Variants in ACER3 observed in about 807,000 individuals in gnomAD.
The protein encoded by ACER3 is alkCDase 3.
In ACER3, 16 loss-of-function variants were observed where a neutral mutation model predicts 48.9. The observed-to-expected ratio is 0.33, with a 90% CI of 0.22 to 0.50. ACER3 has a LOEUF of 0.50. Ranked by LOEUF, ACER3 falls within the 20% of genes least tolerant of loss-of-function variation. The pLI, the probability that ACER3 is intolerant of heterozygous loss-of-function variation, is 0.98. For synonymous variants in ACER3, 109 were observed against 107.8 expected (o/e 1.01, Z -0.07); for missense variants, 227 against 326.0 (o/e 0.70, Z 2.34).
At chr11:76,925,762 G>C (rs1946813316) in intron 1 of ACER3, among the ~76,000 whole-genome samples, 1 of 151,960 alleles carries the variant, frequency 6.6e-6, no homozygotes, top group Non-Finnish European at 1.5e-5. Context: ...TTTAATCCTT[G>C]ACTGTTTGAA....
At chr11:77,004,129 T>A (rs1429597654) in intron 7 of ACER3, among the ~76,000 whole-genome samples, 1 of 152,216 alleles carries the variant, frequency 6.6e-6, no homozygotes, top group Non-Finnish European at 1.5e-5. Flanking sequence ...GGTCTGATGA[T>A]TCACTAGGAC....
At chr11:77,002,922 G>C (rs932153640) in intron 7 of ACER3, among the ~76,000 whole-genome samples, 12 of 152,132 alleles carry the variant, frequency 7.9e-5, no homozygotes, top group African/African-American at 2.9e-4. Flanking sequence ...ATAAAATGGT[G>C]ATCAGGGCCT....
chr11:76,938,745 A>C (rs982276655), intron 2 of ACER3, among the ~76,000 whole-genome samples: 2 of 152,188 alleles, frequency 1.3e-5, no homozygotes, highest in Non-Finnish European at 2.9e-5. Context: ...AGGTATCAGC[A>C]TGATTTTTTT....
chr11:76,990,509 T>A (rs745430247), intron 5 of ACER3, 30 bp from the exon 6 acceptor site: 2 of 1,438,644 alleles, frequency 1.4e-6, no homozygotes, highest in Admixed American at 3.4e-5. Flanking sequence ...ATGTACTTCA[T>A]TCACATGTGT....
chr11:76,872,064 A>C (rs1590861388), intron 1 of ACER3, among the ~76,000 whole-genome samples: 1 of 68,540 alleles, frequency 1.5e-5, no homozygotes, highest in Admixed American at 2.4e-4. Flanking sequence ...TTTACCCCCC[A>C]AACCCTGGCA....
At chr11:76,882,320 C>A (rs1030105510) in intron 1 of ACER3, among the ~76,000 whole-genome samples, 8 of 151,940 alleles carry the variant, frequency 5.3e-5, no homozygotes, top group African/African-American at 1.9e-4. Context: ...CTTTTTTTCT[C>A]TCTCTGTGCA....
At chr11:77,015,470 A>G (rs782786165) in intron 8 of ACER3, among the ~76,000 whole-genome samples, 1 of 152,178 alleles carries the variant, frequency 6.6e-6, no homozygotes, top group Non-Finnish European at 1.5e-5. Flanking sequence ...TATGTATATA[A>G]ATATACACTT....
intron 4 of ACER3, among the ~76,000 whole-genome samples, chr11:76,979,035 A>T (rs1948517006): frequency 6.6e-6 from 1 of 152,144 alleles, no homozygotes; most frequent in African/African-American, 2.4e-5. Flanking sequence ...CAGGCATGGG[A>T]TCCAGGCTGG....
At position 77,025,161 on chromosome 11, in the gene ACER3, C is replaced by G. The variant is rs538720830; in HGVS notation, c.*4834C>G. On this transcript the variant is annotated 3_prime_UTR_variant, in exon 11 of 11. Transcript: ENST00000532485. ...TTTTAAATTGAATTTGCAGAATTAA[C>G]TCTAAAGTTGCAGCAACCATATTTA... 6.6e-6 allele frequency: 1 copy of G among 152,138 alleles called. No individual in the cohort carries two copies. The highest frequency in any genetic ancestry group is 1.9e-4 in the East Asian group (1 of 5,196). 9.4% of individuals were successfully genotyped at this position (152,138 alleles called of 1,614,324 possible).
chr11:76,906,586 C>T (rs541616903), intron 1 of ACER3, among the ~76,000 whole-genome samples: 44 of 152,330 alleles, frequency 2.9e-4, no homozygotes, highest in Non-Finnish European at 5.4e-4. Flanking sequence ...ACTCTGTCTT[C>T]CGTGTGGCCA....
chr11:76,927,690 A>G (rs1946868727), intron 2 of ACER3, among the ~76,000 whole-genome samples: 1 of 151,042 alleles, frequency 6.6e-6, no homozygotes, highest in Admixed American at 6.6e-5. Flanking sequence ...ATTCCCACCT[A>G]TGAGTGAGAA....
rs1002544932 is a variant in ACER3 at position 77,003,591 on chromosome 11, T to A, written c.497+4770T>A. On this transcript the variant is annotated intron_variant, in intron 7 of 10. Coordinates refer to ENST00000532485, the MANE Select transcript of ACER3 (RefSeq NM_018367.7). ...TTTATATTTTCTTCCTTTTGCTTGT[T>A]GTGGGTTTATTTTCATTTCTTTTTC... Among the ~76,000 whole-genome samples, 3 of 152,302 alleles carry A rather than the reference T, an allele frequency of 2.0e-5. 1 individual carries two copies. The highest frequency in any genetic ancestry group is 2.0e-4 in the Admixed American group (3 of 15,306).
At chr11:76,873,099 A>G (rs1396931290) in intron 1 of ACER3, among the ~76,000 whole-genome samples, 1 of 150,916 alleles carries the variant, frequency 6.6e-6, no homozygotes, top group Non-Finnish European at 1.5e-5. Context: ...TATTTTTTGT[A>G]GAGATGCAGG....
chr11:76,936,162 C>G (rs1324352775), intron 2 of ACER3, among the ~76,000 whole-genome samples: 1 of 152,174 alleles, frequency 6.6e-6, no homozygotes, highest in Non-Finnish European at 1.5e-5. Flanking sequence ...TCACTTCTTA[C>G]ATGGATGGTG....
intron 1 of ACER3, among the ~76,000 whole-genome samples, chr11:76,861,731 T>G (rs1425910111): frequency 2.0e-5 from 3 of 152,172 alleles, no homozygotes; most frequent in African/African-American, 4.8e-5. Flanking sequence ...GAAGGCATCT[T>G]GCACCTAGCC....
At chr11:76,874,576 A>G (rs1464215354) in intron 1 of ACER3, among the ~76,000 whole-genome samples, 1 of 152,222 alleles carries the variant, frequency 6.6e-6, no homozygotes, top group Non-Finnish European at 1.5e-5. Context: ...ATCTGTAATC[A>G]GTTGACTTTA....
At position 77,026,702 on chromosome 11, in the gene ACER3, AT is replaced by A. The variant is rs1316754444; in HGVS notation, c.*6381del. 1.6e-4 allele frequency: 25 copies of A among 152,050 alleles called. No homozygotes were observed. Among genetic ancestry groups the A allele is most frequent in the Non-Finnish European group, 3.2e-4 (22 of 68,022 alleles). 9.4% of individuals were successfully genotyped at this position (152,050 alleles called of 1,614,324 possible). On this transcript the variant is annotated 3_prime_UTR_variant, in exon 11 of 11. Coordinates refer to ENST00000532485, the MANE Select transcript of ACER3 (RefSeq NM_018367.7). The stretch of plus-strand genomic sequence containing the variant: ...TTTCTAGAAAATAGTAGGATAATGT[AT>A]TTTTTCCTGTCTGCTATAATGGAGA...
intron 2 of ACER3, among the ~76,000 whole-genome samples, chr11:76,946,436 T>G (rs1947475458): frequency 1.3e-5 from 2 of 152,112 alleles, no homozygotes; most frequent in South Asian, 4.1e-4. Context: ...GAGAGCTTAG[T>G]TTCTCTGTCA....
intron 1 of ACER3, among the ~76,000 whole-genome samples, chr11:76,921,069 A>G (rs1186279605): frequency 2.0e-5 from 3 of 152,166 alleles, no homozygotes; most frequent in Non-Finnish European, 2.9e-5. Context: ...GCAATTACAT[A>G]TCTATTATTC....
Sources: allele counts gnomAD v4.1 joint callset (sites outside exome capture counted in the v4.1 genomes callset), GRCh38; gene constraint gnomAD v4.1.1; transcripts MANE v1.5; gene names NCBI Gene and HGNC (gene_info 2026-07-23, HGNC 2026-07-21).